NCKAP5: variants seen among roughly 807,000 people sequenced by gnomAD.
NCKAP5 encodes NCK associated protein 5.
NCKAP5 carries 92 observed loss-of-function variants against 167.0 expected under a neutral mutation model. That is an observed-to-expected ratio of 0.55 (90% CI 0.47 to 0.66). The LOEUF (loss-of-function observed/expected upper bound fraction) is 0.66, where lower values mean the gene tolerates loss of function less well. Ranked by LOEUF, NCKAP5 falls within the 30% of genes least tolerant of loss-of-function variation. NCKAP5 has a pLI of 0.00. For missense variants in NCKAP5, 2,378 were observed against 2,315.0 expected, an observed-to-expected ratio of 1.03 and a Z score of -0.56; for synonymous variants, 891 against 877.4, an observed-to-expected ratio of 1.02 and a Z score of -0.27.
intron 7 of NCKAP5, 112 bp downstream of exon 7, chr2:132,994,039 TG>T: frequency 1.5e-6 from 1 of 651,956 alleles, no homozygotes. Context: ...CTTTTAGCAC[TG>T]GGGTCTGGAA....
rs2079795442 is a variant in NCKAP5 at position 133,056,228 on chromosome 2, C to T, written c.342-61989G>A. 2.0e-5 allele frequency among the ~76,000 whole-genome samples: 3 copies of T among 152,220 alleles called. No homozygotes were observed. In the South Asian group the frequency reaches 6.2e-4, roughly 32 times the overall value. ...CTAGTGTCCAGGTCAACTCTGGATT[C>T]TGCCTGAAAACTTTCCCCAAAGCTG... On this transcript the variant is annotated intron_variant, in intron 6 of 19. Transcript: ENST00000409261.
intron 11 of NCKAP5, among the ~76,000 whole-genome samples, chr2:132,804,697 G>C (rs1181929181): frequency 6.6e-6 from 1 of 152,154 alleles, no homozygotes; most frequent in Non-Finnish European, 1.5e-5. Flanking sequence ...GAGACACTCT[G>C]TGAAGTCCTT....
At chr2:133,310,646 A>G (rs573881390) in intron 3 of NCKAP5, among the ~76,000 whole-genome samples, 2 of 152,242 alleles carry the variant, frequency 1.3e-5, no homozygotes, top group East Asian at 3.9e-4. Flanking sequence ...TATTTCCCAA[A>G]CAGGTCCCTT....
intron 3 of NCKAP5, among the ~76,000 whole-genome samples, chr2:133,474,178 G>A (rs574346506): frequency 9.6e-5 from 14 of 145,854 alleles, no homozygotes; most frequent in Admixed American, 5.5e-4. Context: ...ACACACACAC[G>A]TACATACATA....
chr2:133,571,016 A>G (rs1688846718), upstream of NCKAP5, among the ~76,000 whole-genome samples: 1 of 152,200 alleles, frequency 6.6e-6, no homozygotes, highest in African/African-American at 2.4e-5. Flanking sequence ...TAGGGGGGAA[A>G]AAAAAGTCCA....
chr2:133,262,384 C>G (rs372709208), intron 4 of NCKAP5, among the ~76,000 whole-genome samples: 48 of 152,278 alleles, frequency 3.2e-4, no homozygotes, highest in African/African-American at 1.1e-3. Flanking sequence ...ATGTTCAAGA[C>G]CTTTCAACAC....
chr2:133,132,417 C>A (rs553224121), intron 5 of NCKAP5, among the ~76,000 whole-genome samples: 1 of 150,884 alleles, frequency 6.6e-6, no homozygotes, highest in Non-Finnish European at 1.5e-5. Flanking sequence ...ATGAGAGAAC[C>A]TTTTCCACAT....
chr2:133,279,999 G>A (rs964855719), intron 4 of NCKAP5, among the ~76,000 whole-genome samples: 2 of 152,094 alleles, frequency 1.3e-5, no homozygotes, highest in South Asian at 4.1e-4. Context: ...ACATCTTCTA[G>A]ATATTTTATT....
At chr2:133,360,131 C>T (rs565103953) in intron 3 of NCKAP5, among the ~76,000 whole-genome samples, 1 of 152,056 alleles carries the variant, frequency 6.6e-6, no homozygotes, top group South Asian at 2.1e-4. Flanking sequence ...CCTTTAGCCC[C>T]CAGGTCAGCA....
intron 6 of NCKAP5, among the ~76,000 whole-genome samples, chr2:133,008,764 G>A (rs1478588413): frequency 1.3e-5 from 2 of 152,086 alleles, no homozygotes; most frequent in Non-Finnish European, 2.9e-5. Context: ...AATTTAAAAG[G>A]CTGCCTCTAT....
At chr2:132,755,854 A>AAAT (rs56967710) in intron 16 of NCKAP5, among the ~76,000 whole-genome samples, 5,179 of 143,734 alleles carry the variant, frequency 0.036, 201 homozygotes, top group East Asian at 0.14. Context: ...CTAAATGGCA[A>AAAT]AATAATAATA....
intron 2 of NCKAP5, chr2:133,554,165 C>A (rs886740926): frequency 6.6e-6 from 1 of 152,192 alleles, no homozygotes; most frequent in African/African-American, 2.4e-5. Context: ...AAGGAGCTTG[C>A]CTGATGAGGT....
intron 3 of NCKAP5, among the ~76,000 whole-genome samples, chr2:133,360,502 A>G (rs923486192): frequency 2.6e-5 from 4 of 152,188 alleles, no homozygotes; most frequent in African/African-American, 9.7e-5. Context: ...GCTCAGTGAG[A>G]TGCTCTGGAA....
chr2:133,500,729 C>A (rs576075487), intron 3 of NCKAP5, among the ~76,000 whole-genome samples: 196 of 152,282 alleles, frequency 1.3e-3, no homozygotes, highest in African/African-American at 4.5e-3. Flanking sequence ...GCAGTATAAA[C>A]AATCTATATT....
intron 3 of NCKAP5, among the ~76,000 whole-genome samples, chr2:133,418,608 C>T (rs1442104451): frequency 1.3e-5 from 2 of 152,152 alleles, no homozygotes; most frequent in African/African-American, 2.4e-5. Context: ...TTATTTTATT[C>T]TTGCCTCTCC....
intron 5 of NCKAP5, among the ~76,000 whole-genome samples, chr2:133,154,502 T>A (rs897291513): frequency 1.3e-5 from 2 of 152,260 alleles, no homozygotes; most frequent in Admixed American, 6.5e-5. Flanking sequence ...AAATGTTAAC[T>A]CAGTAAAGTC....
chr2:133,385,962 G>C (rs1018407891), intron 3 of NCKAP5, among the ~76,000 whole-genome samples: 3 of 151,356 alleles, frequency 2.0e-5, no homozygotes, highest in African/African-American at 7.3e-5. Flanking sequence ...TCTTGTTAGC[G>C]GTCAATCAAT....
intron 19 of NCKAP5, among the ~76,000 whole-genome samples, chr2:132,680,299 G>T (rs975723332): frequency 1.4e-4 from 21 of 152,150 alleles, no homozygotes; most frequent in African/African-American, 5.1e-4. Context: ...GCACTTGGGG[G>T]CACTCTGTTT....
chr2:133,436,645 C>G (rs1690498414), intron 3 of NCKAP5, among the ~76,000 whole-genome samples: 1 of 152,134 alleles, frequency 6.6e-6, no homozygotes, highest in East Asian at 1.9e-4. Flanking sequence ...GCTCAGATCC[C>G]CACTCTTCAC....
Sources: gnomAD v4.1 joint callset for allele counts (sites outside exome capture counted in the v4.1 genomes callset) on GRCh38, gnomAD v4.1.1 for gene constraint, MANE v1.5 for transcripts, NCBI Gene and HGNC (gene_info 2026-07-23, HGNC 2026-07-21) for gene names.